DNAJC7: variants seen among roughly 807,000 people sequenced by gnomAD.
DNAJC7 encodes dnaJ homolog subfamily C member 7.
In DNAJC7, 18 loss-of-function variants were observed where a neutral mutation model predicts 67.4. The observed-to-expected ratio is 0.27, with a 90% CI of 0.18 to 0.40. The LOEUF (loss-of-function observed/expected upper bound fraction) is 0.40, where lower values mean the gene tolerates loss of function less well. Ranked by LOEUF, DNAJC7 falls within the 10% of genes least tolerant of loss-of-function variation. The pLI, the probability that DNAJC7 is intolerant of heterozygous loss-of-function variation, is 1.00. For synonymous variants in DNAJC7, 220 were observed against 207.8 expected (o/e 1.06, Z -0.50); for missense variants, 419 against 613.8 (o/e 0.68, Z 3.35).
intron 12 of DNAJC7, among the ~76,000 whole-genome samples, chr17:41,978,597 G>A (rs1342008804): frequency 1.3e-5 from 2 of 152,124 alleles, no homozygotes; most frequent in East Asian, 1.9e-4. Context: ...TGGTGGCTCA[G>A]GCCTGTAATC....
chr17:42,010,833 G>A (rs1051061809), intron 1 of DNAJC7, among the ~76,000 whole-genome samples: 5 of 152,068 alleles, frequency 3.3e-5, no homozygotes, highest in East Asian at 1.9e-4. Flanking sequence ...AGAATTTCAC[G>A]TCTCAGAATA....
At chr17:41,991,252 G>C (rs1372863108) in intron 5 of DNAJC7, among the ~76,000 whole-genome samples, 1 of 152,174 alleles carries the variant, frequency 6.6e-6, no homozygotes, top group Non-Finnish European at 1.5e-5. Context: ...GGAGTTAAGG[G>C]ACACCTATTC....
chr17:42,000,618 A>AAAGATT, intron 1 of DNAJC7, 48 bp from the exon 2 acceptor site: 1 of 1,407,328 alleles, frequency 7.1e-7, no homozygotes, highest in Non-Finnish European at 9.9e-7. Context: ...AAAGGGAATA[A>AAAGATT]CCTCTGTAAT....
chr17:41,980,126 T>G (rs1306386620), intron 12 of DNAJC7, among the ~76,000 whole-genome samples: 2 of 150,246 alleles, frequency 1.3e-5, no homozygotes, highest in Admixed American at 1.3e-4. Context: ...CTCAGCTCAT[T>G]GCAACCTCCG....
intron 4 of DNAJC7, among the ~76,000 whole-genome samples, chr17:41,995,870 C>T (rs1462931199): frequency 2.6e-5 from 4 of 152,150 alleles, no homozygotes; most frequent in South Asian, 2.1e-4. Context: ...TGCAGTGGTG[C>T]GATCACGGCT....
Position 41,983,624 on chromosome 17 carries a change from T to A in DNAJC7, c.1023A>T (p.Thr341=). The change falls in exon 10 of 14, where the codon ACA becomes ACT. Residue 341 remains threonine (T), a synonymous_variant. Coordinates refer to ENST00000457167, the MANE Select transcript of DNAJC7 (RefSeq NM_003315.4). ...YLRRAQCYMD[T]EQYEEAVRDY... ...CTCGTACTGCTTCTTCATACTGTTC[T>A]GTGTCCATGTAACTGAGAAGGAAAT... is the stretch of plus-strand genomic sequence containing the variant. 1.9e-6 allele frequency: 3 copies of A among 1,603,146 alleles called. No individual in the cohort carries two copies. Among genetic ancestry groups the A allele is most frequent in the Non-Finnish European group, 2.6e-6 (3 of 1,174,044 alleles).
chr17:42,000,459 C>G, intron 2 of DNAJC7, 23 bp downstream of exon 2: 1 of 1,541,070 alleles, frequency 6.5e-7, no homozygotes, highest in Non-Finnish European at 8.9e-7. Flanking sequence ...TGTTTTCTAG[C>G]GTAAGTATCA....
At chr17:42,005,444 T>C (rs35413188) in intron 1 of DNAJC7, among the ~76,000 whole-genome samples, 3 of 152,254 alleles carry the variant, frequency 2.0e-5, no homozygotes, top group Non-Finnish European at 2.9e-5. Context: ...GTCTAACTTT[T>C]AGCAATTAAA....
chr17:41,982,539 G>A (rs2143120611), intron 10 of DNAJC7, 138 bp from the exon 11 acceptor site: 1 of 1,163,682 alleles, frequency 8.6e-7, no homozygotes, highest in Non-Finnish European at 1.2e-6. Flanking sequence ...CTGGAGATTA[G>A]AAAAAAAATC....
chr17:42,011,563 T>C (rs1389379633), intron 1 of DNAJC7: 1 of 152,232 alleles, frequency 6.6e-6, no homozygotes, highest in Non-Finnish European at 1.5e-5. Context: ...GAATTCTGTA[T>C]TCCTAGGTTT....
chr17:41,976,985 G>A (rs1692888548), intron 13 of DNAJC7: 3 of 650,804 alleles, frequency 4.6e-6, no homozygotes, highest in African/African-American at 3.7e-5. Flanking sequence ...TATCTATATA[G>A]TACCTTTGCT....
chr17:41,977,334 G>C lies in DNAJC7; in HGVS notation c.1385-11C>G. ...TGTTTGGATCAAAATCTGTAGAGCAGGGCAAGTAACATGGAAGGGAAGAAA... is the reference window on the plus strand; with the variant it reads ...TGTTTGGATCAAAATCTGTAGAGCACGGCAAGTAACATGGAAGGGAAGAAA... On this transcript the variant is annotated splice_polypyrimidine_tract_variant and intron_variant, in intron 12 of 13. Transcript: ENST00000457167. 2 of 1,574,148 alleles carry C rather than the reference G, an allele frequency of 1.3e-6. No homozygotes were observed. Among genetic ancestry groups the C allele is most frequent in the African/African-American group, 1.3e-5 (1 of 74,130 alleles).
rs782291400 is a variant in DNAJC7 at position 41,982,270 on chromosome 17, A to G, written c.1216T>C (p.Leu406=). 1.9e-5 allele frequency: 30 copies of G among 1,613,896 alleles called. No individual in the cohort carries two copies. In the South Asian group the frequency reaches 2.4e-4, roughly 13 times the overall value. ...CCTACTCTACCTGGATGGTGCATCA[A>G]GGCCCGTTTCCGATAAGCTTTCTTG... ...EIKKAYRKRA[L]MHHPDRHSGA... The change falls in exon 11 of 14, where the codon TTG becomes CTG. Residue 406 remains leucine, a synonymous_variant. Coordinates refer to ENST00000457167, the MANE Select transcript of DNAJC7 (RefSeq NM_003315.4).
intron 9 of DNAJC7, 22 bp downstream of exon 9, chr17:41,987,797 C>A (rs1192327265): frequency 6.3e-7 from 1 of 1,586,066 alleles, no homozygotes; most frequent in African/African-American, 1.3e-5. Flanking sequence ...CCCTCTTCCC[C>A]CTACCCATCA....
intron 7 of DNAJC7, 84 bp from the exon 8 acceptor site, chr17:41,988,980 G>A: frequency 6.6e-7 from 1 of 1,519,818 alleles, no homozygotes; most frequent in Non-Finnish European, 8.9e-7. Flanking sequence ...CTATTTTCAA[G>A]TTCTTTGCTT....
rs782795947 is a variant in DNAJC7 at position 41,976,644 on chromosome 17, C to A, written c.*89G>T. 2 of 1,531,094 alleles carry A rather than the reference C, an allele frequency of 1.3e-6. No individual in the cohort carries two copies. Among genetic ancestry groups the A allele is most frequent in the Non-Finnish European group, 1.8e-6 (2 of 1,125,736 alleles). The allele number at this position is 1,531,094 out of a possible 1,614,324, so 94.8% of individuals were successfully genotyped here. The stretch of plus-strand genomic sequence containing the variant: ...CGAAACTGCTCTAAGCACACGGAGA[C>A]GTGATGAAGGGAGGAGGTGAACTGT... On this transcript the variant is annotated 3_prime_UTR_variant, in exon 14 of 14. Transcript: ENST00000457167.
chr17:42,003,349 T>G (rs1567967240), intron 1 of DNAJC7: 1 of 152,182 alleles, frequency 6.6e-6, no homozygotes, highest in Non-Finnish European at 1.5e-5. Context: ...CTTTAACCAG[T>G]GGGCCTGACC....
At chr17:41,980,925 T>G (rs2051233061) in intron 12 of DNAJC7, among the ~76,000 whole-genome samples, 1 of 152,184 alleles carries the variant, frequency 6.6e-6, no homozygotes, top group Non-Finnish European at 1.5e-5. Flanking sequence ...TTATGGCCTG[T>G]GAGCTCTGAT....
rs557224455 is a variant in DNAJC7, at chr17:41,999,959, C to T, written c.166+523G>A. Among the ~76,000 whole-genome samples, 17 of 150,024 alleles carry T rather than the reference C, an allele frequency of 1.1e-4. No homozygotes were observed. In the South Asian group the frequency reaches 3.6e-3, roughly 32 times the overall value. On this transcript the variant is annotated intron_variant, in intron 2 of 13. Coordinates refer to ENST00000457167, the MANE Select transcript of DNAJC7 (RefSeq NM_003315.4). Reference sequence around the variant, plus strand: ...TCAGCCTCCCAAGTAGCTGGGATTACAGGTGCCCGCCACCAGGCCCAGCTA... The same window carrying T: ...TCAGCCTCCCAAGTAGCTGGGATTATAGGTGCCCGCCACCAGGCCCAGCTA...
Sources: allele counts gnomAD v4.1 joint callset (sites outside exome capture counted in the v4.1 genomes callset), GRCh38; gene constraint gnomAD v4.1.1; transcripts MANE v1.5; gene names NCBI Gene and HGNC (gene_info 2026-07-23, HGNC 2026-07-21).